Variants in STK38 observed in about 807,000 individuals in gnomAD.
STK38 encodes serine/threonine-protein kinase 38.
Under a neutral mutation model 59.0 loss-of-function variants are expected in STK38, and 26 were observed. That is an observed-to-expected ratio of 0.44 (90% confidence interval 0.32 to 0.61). The LOEUF (loss-of-function observed/expected upper bound fraction) is 0.61, where lower values mean the gene tolerates loss of function less well. STK38 is among the 20% of genes least tolerant of loss of function. The pLI, the probability that STK38 is intolerant of heterozygous loss-of-function variation, is 0.04. For missense variants in STK38, 433 were observed against 566.0 expected (o/e 0.76, Z 2.38); for synonymous variants, 175 against 176.6 (o/e 0.99, Z 0.07).
Position 36,506,631 on chromosome 6 carries a change from C to T in STK38, c.786G>A (p.Met262Ile). ...SLPSDFTFQN[M>I]NSKRKAETWK... is the part of the protein sequence containing the mutation. ...AGGTTTCTGCTTTCCTTTTGGAATT[C>T]ATGTTCTGGAAAGCTGAAAGTAAAG... The change falls in exon 9 of 14, where the codon ATG becomes ATA. Residue 262 changes from methionine to isoleucine, a missense_variant. Around this residue, in one of 3 missense-constraint regions of STK38, gnomAD observed 293 missense variants for 388.2 expected, o/e 0.75. Coordinates refer to ENST00000229812, the MANE Select transcript of STK38 (RefSeq NM_007271.4). 6.2e-7 allele frequency: 1 copy of T among 1,613,218 alleles called. No homozygotes were observed. Among genetic ancestry groups the T allele is most frequent in the Non-Finnish European group, 8.5e-7 (1 of 1,179,764 alleles).
chr6:36,500,514 C>A (rs1249977344), intron 9 of STK38, among the ~76,000 whole-genome samples: 1 of 151,960 alleles, frequency 6.6e-6, no homozygotes, highest in Non-Finnish European at 1.5e-5. Context: ...GTAATCCCAG[C>A]ACTTTGAGAG....
chr6:36,545,735 T>C (rs906056389), intron 1 of STK38, among the ~76,000 whole-genome samples: 15 of 152,188 alleles, frequency 9.9e-5, no homozygotes, highest in Non-Finnish European at 2.9e-5. Flanking sequence ...CTAGAAGCCA[T>C]TGGAGGCCTT....
chr6:36,513,663 C>T (rs1186726302), intron 7 of STK38, among the ~76,000 whole-genome samples: 2 of 151,682 alleles, frequency 1.3e-5, no homozygotes, highest in Non-Finnish European at 1.5e-5. Context: ...GTCTCTGCTA[C>T]ACTCTCTAGC....
intron 2 of STK38, among the ~76,000 whole-genome samples, chr6:36,538,487 C>A (rs1777851129): frequency 6.6e-6 from 1 of 152,078 alleles, no homozygotes; most frequent in Admixed American, 6.5e-5. Flanking sequence ...CTTGTGCATT[C>A]CATTGTATAT....
At chr6:36,533,564 C>T (rs1777720089) in intron 2 of STK38, among the ~76,000 whole-genome samples, 1 of 152,120 alleles carries the variant, frequency 6.6e-6, no homozygotes, top group South Asian at 2.1e-4. Context: ...CTGCTGTCTG[C>T]TCATTTTGGG....
Position 36,494,606 on chromosome 6 carries a change from A to C in STK38, c.*1178T>G, listed in dbSNP as rs1369270412. The C allele has an allele frequency of 6.5e-6, 1 of 152,684 alleles. No homozygotes were observed. Among genetic ancestry groups the C allele is most frequent in the Non-Finnish European group, 1.5e-5 (1 of 68,056 alleles). The allele number at this position is 152,684 out of a possible 1,614,324, so 9.5% of individuals were successfully genotyped here. On this transcript the variant is annotated 3_prime_UTR_variant, in exon 14 of 14. Coordinates refer to ENST00000229812, the MANE Select transcript of STK38 (RefSeq NM_007271.4). ...CCGCCTAAGTTGCAGGCGACCCTTT[A>C]GGGTGGGGAGGAGTATCCCCCAGGA...
chr6:36,513,019 CATT>C (rs925261089), intron 7 of STK38, among the ~76,000 whole-genome samples: 7 of 151,540 alleles, frequency 4.6e-5, no homozygotes, highest in Non-Finnish European at 8.8e-5. Context: ...CATGTTTATG[CATT>C]ATTATTATTA....
Position 36,498,541 on chromosome 6 carries a change from C to T in STK38, c.953-55G>A, listed in dbSNP as rs907714126. 1.0e-5 allele frequency: 16 copies of T among 1,558,422 alleles called. No homozygotes were observed. In the Admixed American group the frequency reaches 1.1e-4, roughly 11 times the overall value. ...TACACTCCAGAACTTTGAATCTGAC[C>T]GAGATTACTCTCCTTAATAAAATTC... On this transcript the variant is annotated intron_variant, in intron 10 of 13. Transcript: ENST00000229812.
chr6:36,517,750 T>A lies in STK38; in HGVS notation c.481A>T (p.Asn161Tyr). 1 of 1,614,070 alleles carries A rather than the reference T, an allele frequency of 6.2e-7. No homozygotes were observed. Among genetic ancestry groups the A allele is most frequent in the East Asian group, 2.2e-5 (1 of 44,880 alleles). ...AGGAACTCCATGATTAGGTAGAGGT[T>A]TAGCTTATCCTGAAAACTATAGAAC... Reference protein sequence around the residue: ...KMFYSFQDKLNLYLIMEFLPG... With the variant: ...KMFYSFQDKLYLYLIMEFLPG... The change falls in exon 6 of 14, where the codon AAC (asparagine) becomes TAC (tyrosine). Residue 161 changes from asparagine to tyrosine, a missense_variant. This residue lies in a region of STK38 where 293 missense variants were observed against 388.2 expected (regional missense o/e 0.75). Transcript: ENST00000229812.
At chr6:36,525,065 G>GGCCT (rs1235650953) in intron 3 of STK38, among the ~76,000 whole-genome samples, 1 of 152,016 alleles carries the variant, frequency 6.6e-6, no homozygotes, top group Non-Finnish European at 1.5e-5. Context: ...GACACACCGG[G>GGCCT]GCCTGTCGGG....
At chr6:36,527,342 A>G (rs1777555246) in intron 2 of STK38, among the ~76,000 whole-genome samples, 1 of 144,376 alleles carries the variant, frequency 6.9e-6, no homozygotes, top group Non-Finnish European at 1.5e-5. Context: ...ACACACATAT[A>G]TGTAATATAT....
chr6:36,515,338 C>T lies in STK38; in HGVS notation c.669G>A (p.Lys223=). 1 of 1,613,918 alleles carries T rather than the reference C, an allele frequency of 6.2e-7. No homozygotes were observed. The highest frequency in any genetic ancestry group is 8.5e-7 in the Non-Finnish European group (1 of 1,179,910). ...GTTCATGCCAATGCCCCCCCAATAC[C>T]TTGCTGTCCAAAAGAAGGTTGTCTG... is the stretch of plus-strand genomic sequence containing the variant. ...IKPDNLLLDS[K]GHVKLSDFGL... is the part of the protein sequence containing the mutation. The change falls in exon 7 of 14, where the codon AAG becomes AAA. Residue 223 remains lysine, a splice_region_variant and synonymous_variant. Coordinates refer to ENST00000229812, the MANE Select transcript of STK38 (RefSeq NM_007271.4).
chr6:36,524,550 T>C, intron 3 of STK38, 87 bp from the exon 4 acceptor site: 1 of 1,394,730 alleles, frequency 7.2e-7, no homozygotes, highest in Non-Finnish European at 9.7e-7. Context: ...CTTACCCAGC[T>C]AGAAAACAGG....
intron 7 of STK38, among the ~76,000 whole-genome samples, chr6:36,509,084 G>T (rs1423471495): frequency 6.6e-6 from 1 of 152,234 alleles, no homozygotes; most frequent in Non-Finnish European, 1.5e-5. Flanking sequence ...GCGAGCAAGG[G>T]AGACATATTT....
At chr6:36,505,501 G>C (rs1776942608) in intron 9 of STK38, among the ~76,000 whole-genome samples, 1 of 152,152 alleles carries the variant, frequency 6.6e-6, no homozygotes, top group South Asian at 2.1e-4. Context: ...CCATCCCATA[G>C]GCTTCCATTT....
intron 2 of STK38, among the ~76,000 whole-genome samples, chr6:36,537,854 G>C (rs1467206542): frequency 2.0e-5 from 3 of 151,568 alleles, no homozygotes; most frequent in African/African-American, 7.3e-5. Context: ...AGCTATGATA[G>C]TGCCACTGCA....
intron 6 of STK38, among the ~76,000 whole-genome samples, chr6:36,516,512 G>A (rs886882441): frequency 6.6e-6 from 1 of 152,034 alleles, no homozygotes. Flanking sequence ...TTGTATTATT[G>A]GAGAAAAGTA....
At chr6:36,516,742 C>T (rs1777263748) in intron 6 of STK38, among the ~76,000 whole-genome samples, 1 of 152,118 alleles carries the variant, frequency 6.6e-6, no homozygotes, top group African/African-American at 2.4e-5. Context: ...CTCGCCTGTG[C>T]AAGTTTGCCC....
intron 2 of STK38, among the ~76,000 whole-genome samples, chr6:36,532,262 A>C (rs1777682033): frequency 1.3e-5 from 2 of 148,390 alleles, no homozygotes; most frequent in Non-Finnish European, 3.0e-5. Context: ...AGCCATGATC[A>C]CATCACTGCA....
Sources: allele counts gnomAD v4.1 joint callset (sites outside exome capture counted in the v4.1 genomes callset), GRCh38; gene constraint gnomAD v4.1.1; regional missense constraint gnomAD v4.1.1; transcripts MANE v1.5; gene names NCBI Gene and HGNC (gene_info 2026-07-23, HGNC 2026-07-21).